CAB39: variants seen among roughly 807,000 people sequenced by gnomAD.
CAB39 encodes calcium-binding protein 39.
In CAB39, 8 loss-of-function variants were observed where a neutral mutation model predicts 40.0. The observed-to-expected ratio is 0.20, with a 90% CI of 0.12 to 0.36. CAB39 has a LOEUF of 0.36. CAB39 is among the 10% of genes least tolerant of loss of function. The probability of loss-of-function intolerance (pLI) is 1.00; values close to 1 mark genes in which losing one functional copy is unlikely to be tolerated. For missense variants in CAB39, 270 were observed against 401.1 expected (o/e 0.67, Z 2.79); for synonymous variants, 156 against 141.6 (o/e 1.10, Z -0.72).
chr2:230,748,813 GAAAAA>G (rs759314442), intron 1 of CAB39, among the ~76,000 whole-genome samples: 63 of 31,746 alleles, frequency 2.0e-3, no homozygotes, highest in Admixed American at 4.2e-3. Flanking sequence ...TTTCCAAAAA[GAAAAA>G]AAAAAAAAAA....
intron 1 of CAB39, among the ~76,000 whole-genome samples, chr2:230,720,642 G>A (rs1694432265): frequency 6.6e-6 from 1 of 152,160 alleles, no homozygotes; most frequent in African/African-American, 2.4e-5. Flanking sequence ...GGCTGGTCTT[G>A]AACTCCTGAC....
chr2:230,802,593 A>G (rs1440484396), intron 5 of CAB39, among the ~76,000 whole-genome samples: 1 of 152,248 alleles, frequency 6.6e-6, no homozygotes, highest in Non-Finnish European at 1.5e-5. Flanking sequence ...CCGATCCCAC[A>G]GAAATACAAA....
intron 2 of CAB39, among the ~76,000 whole-genome samples, chr2:230,773,086 A>G (rs1309535929): frequency 6.6e-6 from 1 of 152,114 alleles, no homozygotes; most frequent in East Asian, 1.9e-4. Flanking sequence ...AGCACATAGT[A>G]TATGATTCTA....
At chr2:230,775,082 A>T (rs2124936602) in intron 2 of CAB39, among the ~76,000 whole-genome samples, 1 of 152,332 alleles carries the variant, frequency 6.6e-6, no homozygotes, top group African/African-American at 2.4e-5. Flanking sequence ...TTCAGGCAGT[A>T]AATATAAATG....
At chr2:230,792,328 A>G (rs1695906033) in intron 3 of CAB39, among the ~76,000 whole-genome samples, 1 of 152,218 alleles carries the variant, frequency 6.6e-6, no homozygotes, top group Non-Finnish European at 1.5e-5. Flanking sequence ...AACTTCAAAG[A>G]CATCAACTTA....
At chr2:230,718,320 GA>G (rs1190340071) in intron 1 of CAB39, among the ~76,000 whole-genome samples, 1 of 152,166 alleles carries the variant, frequency 6.6e-6, no homozygotes. Flanking sequence ...ACAGTGTACT[GA>G]CTATTAACAT....
chr2:230,736,423 G>C (rs886382333), intron 1 of CAB39, among the ~76,000 whole-genome samples: 2 of 152,062 alleles, frequency 1.3e-5, no homozygotes, highest in Non-Finnish European at 2.9e-5. Flanking sequence ...ACCCCAGAGA[G>C]TTAGATAAAA....
At chr2:230,801,183 T>C (rs1696083396) in intron 5 of CAB39, among the ~76,000 whole-genome samples, 1 of 152,142 alleles carries the variant, frequency 6.6e-6, no homozygotes, top group African/African-American at 2.4e-5. Context: ...AAGCAGAGTC[T>C]ACAGCCAAGA....
rs771872472 is a variant in CAB39, at chr2:230,790,821, T to C, written c.115-51T>C. 15 of 1,482,958 alleles carry C rather than the reference T, an allele frequency of 1.0e-5. No individual in the cohort carries two copies. In the African/African-American group the frequency reaches 2.1e-4, roughly 21 times the overall value. 91.9% of individuals were successfully genotyped at this position (1,482,958 alleles called of 1,614,324 possible). On this transcript the variant is annotated intron_variant, in intron 2 of 8. Transcript: ENST00000258418. ...CAAATTTTGACGTGTTATATGTTTG[T>C]TAAAATGAATTGTTTTTTCTCCTCT... is the stretch of plus-strand genomic sequence containing the variant.
intron 2 of CAB39, among the ~76,000 whole-genome samples, chr2:230,785,887 G>T (rs562198441): frequency 6.6e-6 from 1 of 151,210 alleles, no homozygotes; most frequent in African/African-American, 2.4e-5. Context: ...AGTCTTGGCC[G>T]GGCGCGGTGG....
chr2:230,813,368 T>G (rs1025993135), intron 6 of CAB39, among the ~76,000 whole-genome samples: 3 of 152,146 alleles, frequency 2.0e-5, no homozygotes, highest in African/African-American at 7.2e-5. Flanking sequence ...ATTTGTGGCA[T>G]TTTGTTCTCC....
intron 6 of CAB39, among the ~76,000 whole-genome samples, chr2:230,813,754 G>C (rs950082581): frequency 3.3e-5 from 5 of 152,028 alleles, no homozygotes; most frequent in African/African-American, 1.2e-4. Context: ...GGGTGACAGA[G>C]AGGCCTGGAT....
At chr2:230,766,373 GGA>G (rs1325489428) in intron 2 of CAB39, among the ~76,000 whole-genome samples, 1 of 152,102 alleles carries the variant, frequency 6.6e-6, no homozygotes. Context: ...GAGTTTATTA[GGA>G]GAGAGAGAGA....
At chr2:230,723,576 T>C (rs1371814174) in intron 1 of CAB39, among the ~76,000 whole-genome samples, 1 of 152,166 alleles carries the variant, frequency 6.6e-6, no homozygotes, top group African/African-American at 2.4e-5. Context: ...CTTTTGCTCC[T>C]TTTAGTGCCC....
At chr2:230,767,688 C>A (rs991137121) in intron 2 of CAB39, among the ~76,000 whole-genome samples, 1 of 152,104 alleles carries the variant, frequency 6.6e-6, no homozygotes, top group Non-Finnish European at 1.5e-5. Context: ...ACTGTCTATT[C>A]CTTTACAGAA....
At chr2:230,761,124 A>C (rs1054970197) in intron 2 of CAB39, among the ~76,000 whole-genome samples, 1 of 151,796 alleles carries the variant, frequency 6.6e-6, no homozygotes, top group African/African-American at 2.4e-5. Flanking sequence ...GATGGGACCC[A>C]TGTCTAAATA....
At chr2:230,815,536 G>T (rs994069381) in intron 7 of CAB39, among the ~76,000 whole-genome samples, 1 of 152,182 alleles carries the variant, frequency 6.6e-6, no homozygotes, top group African/African-American at 2.4e-5. Flanking sequence ...GGCCACAAAG[G>T]CCAGACAGGA....
intron 1 of CAB39, among the ~76,000 whole-genome samples, chr2:230,748,373 C>T (rs1695012525): frequency 6.6e-6 from 1 of 152,152 alleles, no homozygotes; most frequent in African/African-American, 2.4e-5. Context: ...TCATGAGTCA[C>T]ACTGGTGTGT....
intron 2 of CAB39, among the ~76,000 whole-genome samples, chr2:230,789,787 G>GCCTCTTCAACTAATGGAGAACA (rs1695860956): frequency 6.6e-6 from 1 of 152,170 alleles, no homozygotes; most frequent in Non-Finnish European, 1.5e-5. Flanking sequence ...TGCCAGGTCT[G>GCCTCTTCAACTAATGGAGAACA]CCTCTTCAAC....
Sources: gnomAD v4.1 joint callset for allele counts (sites outside exome capture counted in the v4.1 genomes callset) on GRCh38, gnomAD v4.1.1 for gene constraint, MANE v1.5 for transcripts, NCBI Gene and HGNC (gene_info 2026-07-23, HGNC 2026-07-21) for gene names.